Variants in PPP2R2B observed in about 807,000 individuals in gnomAD.
The protein encoded by PPP2R2B is serine/threonine-protein phosphatase 2A 55 kDa regulatory subunit B beta isoform.
Under a neutral mutation model 46.0 loss-of-function variants are expected in PPP2R2B, and 5 were observed. The observed-to-expected ratio is 0.11, with a 90% CI of 0.06 to 0.23. The LOEUF is 0.23. Ranked by LOEUF, PPP2R2B falls within the 10% of genes least tolerant of loss-of-function variation. The pLI is 1.00. For missense variants in PPP2R2B, 367 were observed against 575.0 expected (o/e 0.64, Z 3.70); for synonymous variants, 215 against 206.7 (o/e 1.04, Z -0.34).
chr5:147,019,595 GT>G lies in PPP2R2B; in HGVS notation c.79+36069del, dbSNP rs111891679. On this transcript the variant is annotated intron_variant, in intron 1 of 8. Coordinates refer to the PPP2R2B transcript ENST00000336640. ...TTTACTTTGTTTTTTGTTTTGTTTT[GT>G]TTTTTTTTAAAAAGTCTATCTATTA... 7.5e-3 allele frequency among the ~76,000 whole-genome samples: 1,138 copies of G among 151,180 alleles called. 10 individuals are homozygous for G. Among genetic ancestry groups the G allele is most frequent in the African/African-American group, 0.026 (1,085 of 41,228 alleles).
chr5:147,081,395 G>A, exon 1 of PPP2R2B: 1 of 1,238,664 alleles, frequency 8.1e-7, no homozygotes, highest in Non-Finnish European at 1.1e-6. Flanking sequence ...TGGAGCAATT[G>A]GAGTTTGTCC....
intron 2 of PPP2R2B, among the ~76,000 whole-genome samples, chr5:146,775,042 T>C (rs1262060515): frequency 2.6e-5 from 4 of 152,148 alleles, no homozygotes; most frequent in Non-Finnish European, 5.9e-5. Context: ...CACAGGTGAA[T>C]TCTAAACATT....
intron 2 of PPP2R2B, among the ~76,000 whole-genome samples, chr5:146,785,668 A>G (rs1456784119): frequency 1.3e-5 from 2 of 152,260 alleles, no homozygotes; most frequent in East Asian, 3.8e-4. Context: ...AATAATAACT[A>G]GCAAAAATCA....
At chr5:147,002,698 G>A (rs562589932) in intron 1 of PPP2R2B, among the ~76,000 whole-genome samples, 110 of 152,166 alleles carry the variant, frequency 7.2e-4, no homozygotes, top group Admixed American at 1.6e-3. Context: ...CTGCTGCGTC[G>A]GTGGGCGCAA....
intron 2 of PPP2R2B, among the ~76,000 whole-genome samples, chr5:146,782,075 G>C (rs1755565260): frequency 6.6e-6 from 1 of 152,206 alleles, no homozygotes; most frequent in African/African-American, 2.4e-5. Context: ...ATGCTCCAGC[G>C]ATTTGAATAC....
intron 2 of PPP2R2B, among the ~76,000 whole-genome samples, chr5:146,777,978 G>A (rs1755291338): frequency 6.6e-6 from 1 of 152,120 alleles, no homozygotes; most frequent in Non-Finnish European, 1.5e-5. Flanking sequence ...AATTGTAGAA[G>A]GAATTTATAC....
chr5:146,770,442 T>C (rs1754780573), intron 2 of PPP2R2B, among the ~76,000 whole-genome samples: 1 of 151,298 alleles, frequency 6.6e-6, no homozygotes, highest in South Asian at 2.1e-4. Context: ...TGATGTGAAA[T>C]TGTTCACAAT....
chr5:146,963,022 T>C (rs1262849744), intron 1 of PPP2R2B, among the ~76,000 whole-genome samples: 1 of 152,162 alleles, frequency 6.6e-6, no homozygotes, highest in Non-Finnish European at 1.5e-5. Flanking sequence ...ATCTTTGAGA[T>C]GATGATGCAA....
At chr5:146,701,286 T>C in intron 2 of PPP2R2B, 144 bp from the exon 3 acceptor site, 2 of 837,302 alleles carry the variant, frequency 2.4e-6, no homozygotes, top group South Asian at 2.7e-5. Context: ...TTCTGGGTTT[T>C]AAATGCCACC....
intron 6 of PPP2R2B, among the ~76,000 whole-genome samples, chr5:146,642,320 C>T (rs74769731): frequency 0.02 from 3,073 of 152,266 alleles, 47 homozygotes; most frequent in Middle Eastern, 0.037. Flanking sequence ...ACAAATGGTT[C>T]ATCAGTGTGG....
intron 1 of PPP2R2B, among the ~76,000 whole-genome samples, chr5:146,913,024 T>C (rs929718011): frequency 6.6e-6 from 1 of 152,230 alleles, no homozygotes; most frequent in Non-Finnish European, 1.5e-5. Flanking sequence ...TGTTCAGCCC[T>C]GTAGGCAGAT....
At chr5:146,731,786 A>T (rs1752247547) in intron 2 of PPP2R2B, among the ~76,000 whole-genome samples, 1 of 152,244 alleles carries the variant, frequency 6.6e-6, no homozygotes, top group African/African-American at 2.4e-5. Flanking sequence ...AGTTTTAGGA[A>T]AACAACAATG....
At chr5:146,761,227 C>A (rs1247352040) in intron 2 of PPP2R2B, among the ~76,000 whole-genome samples, 1 of 152,094 alleles carries the variant, frequency 6.6e-6, no homozygotes, top group Non-Finnish European at 1.5e-5. Context: ...ATGTTTATTG[C>A]GGCACTGCTC....
At chr5:146,798,012 T>C (rs775339901) in intron 2 of PPP2R2B, among the ~76,000 whole-genome samples, 1 of 151,932 alleles carries the variant, frequency 6.6e-6, no homozygotes, top group Non-Finnish European at 1.5e-5. Flanking sequence ...CCTTTCAGAG[T>C]CTCCCTTCCC....
intron 5 of PPP2R2B, among the ~76,000 whole-genome samples, chr5:146,681,395 C>A (rs570794498): frequency 6.6e-6 from 1 of 152,152 alleles, no homozygotes; most frequent in Non-Finnish European, 1.5e-5. Context: ...CATGCCTGCA[C>A]GCACCCACAC....
At chr5:146,649,265 T>C (rs1306982095) in intron 6 of PPP2R2B, among the ~76,000 whole-genome samples, 2 of 152,182 alleles carry the variant, frequency 1.3e-5, no homozygotes, top group African/African-American at 4.8e-5. Context: ...TTCAGTTACC[T>C]GAGTTGTTCA....
chr5:146,972,717 A>C (rs1014415022), intron 1 of PPP2R2B, among the ~76,000 whole-genome samples: 1 of 152,274 alleles, frequency 6.6e-6, no homozygotes. Flanking sequence ...ATCTCAAAAA[A>C]ACAAAAACAA....
intron 7 of PPP2R2B, among the ~76,000 whole-genome samples, chr5:146,619,626 GA>G (rs1382483621): frequency 6.6e-6 from 1 of 152,222 alleles, no homozygotes; most frequent in Non-Finnish European, 1.5e-5. Context: ...ACTAACTAAA[GA>G]AACTTGAGCG....
intron 1 of PPP2R2B, chr5:146,917,936 A>G (rs568181926): frequency 9.2e-5 from 14 of 152,310 alleles, no homozygotes; most frequent in African/African-American, 3.4e-4. Flanking sequence ...GTCATCTCAA[A>G]TACAGATGGA....
Sources: allele counts gnomAD v4.1 joint callset (sites outside exome capture counted in the v4.1 genomes callset), GRCh38; gene constraint gnomAD v4.1.1; transcripts MANE v1.5; gene names NCBI Gene and HGNC (gene_info 2026-07-23, HGNC 2026-07-21).